The following IP6K2 variants were observed in gnomAD, a reference collection of about 807,000 sequenced individuals.
The protein encoded by IP6K2 is inositol hexakisphosphate kinase 2.
IP6K2 carries 9 observed loss-of-function variants against 43.3 expected under a neutral mutation model. That is an observed-to-expected ratio of 0.21 (90% CI 0.13 to 0.36). IP6K2 has a LOEUF of 0.36. Among genes scored for constraint, IP6K2 ranks in the 10% least tolerant of loss-of-function variants. The pLI is 1.00. For synonymous variants in IP6K2, 209 were observed against 202.4 expected, an observed-to-expected ratio of 1.03 and a Z score of -0.28; for missense variants, 332 against 538.4, an observed-to-expected ratio of 0.62 and a Z score of 3.79.
At chr3:48,713,170 C>T (rs2080759756) in intron 1 of IP6K2, among the ~76,000 whole-genome samples, 1 of 152,194 alleles carries the variant, frequency 6.6e-6, no homozygotes, top group Non-Finnish European at 1.5e-5. Flanking sequence ...AAAACAAATA[C>T]TGAAGGGGGA....
rs760824854 is a variant in IP6K2, at chr3:48,695,008, G to T, written c.202+82C>A. On this transcript the variant is annotated intron_variant, in intron 2 of 5. Transcript: ENST00000328631. This position sits in a 1 kb window ranked among gnomAD's most constrained non-coding sequence, Gnocchi z 4.6. The stretch of plus-strand genomic sequence containing the variant: ...AGTGGGAGGGAGTGAGGGCTCCAGG[G>T]ATGGCTGCCAGGGCCTTCCATGGCC... The T allele has an allele frequency of 1.2e-6, 2 of 1,612,634 alleles. No individual in the cohort carries two copies. Among genetic ancestry groups the T allele is most frequent in the Non-Finnish European group, 1.7e-6 (2 of 1,179,404 alleles).
intron 1 of IP6K2, chr3:48,715,543 G>T: frequency 2.3e-6 from 3 of 1,321,836 alleles, no homozygotes; most frequent in Non-Finnish European, 3.1e-6. Context: ...AAACACAAAA[G>T]AAATCTATTA....
rs779304740 is a variant in IP6K2 at position 48,695,446 on chromosome 3, TG to T, written c.-130-26del. On this transcript the variant is annotated intron_variant, in intron 1 of 5. Coordinates refer to ENST00000328631, the MANE Select transcript of IP6K2 (RefSeq NM_016291.4). The surrounding 1 kb of genome is among the most constrained non-coding windows in gnomAD (Gnocchi z 4.6). ...GCTGGAAGCAAACAAAATGATGACA[TG>T]GGGGTTCGAAGTAGCGTGGGAAGTG... 144 of 1,408,210 alleles carry T rather than the reference TG, an allele frequency of 1.0e-4. No individual in the cohort carries two copies. The Middle Eastern group carries it at 3.3e-3, about 33-fold the overall frequency. 87.2% of individuals were successfully genotyped at this position (1,408,210 alleles called of 1,614,324 possible).
At chr3:48,694,970 A>C in intron 2 of IP6K2, 120 bp downstream of exon 2, 1 of 1,595,220 alleles carries the variant, frequency 6.3e-7, no homozygotes, top group Non-Finnish European at 8.5e-7. Context: ...GAGGAGAGGG[A>C]GGGAAAGCAC....
intron 1 of IP6K2, 62 bp downstream of exon 1, chr3:48,717,095 T>C: frequency 6.5e-6 from 1 of 154,880 alleles, no homozygotes. Context: ...CGTTTCCCAG[T>C]AGCCTGAAAA....
At chr3:48,715,428 A>G (rs1455776025) in intron 1 of IP6K2, 1 of 1,536,230 alleles carries the variant, frequency 6.5e-7, no homozygotes, top group South Asian at 1.2e-5. Flanking sequence ...AGACTGGCAA[A>G]GGTTCATCAG....
intron 2 of IP6K2, chr3:48,694,226 G>A (rs2078055897): frequency 1.9e-6 from 3 of 1,551,518 alleles, no homozygotes; most frequent in South Asian, 2.4e-5. Flanking sequence ...CTAACAAGGG[G>A]CCTTTGGCTT....
intron 1 of IP6K2, chr3:48,715,215 G>C: frequency 1.6e-6 from 2 of 1,249,378 alleles, no homozygotes; most frequent in Non-Finnish European, 2.3e-6. Flanking sequence ...TGTTCAATTT[G>C]TTACCCAAGA....
chr3:48,691,685 G>T (rs940190049), intron 3 of IP6K2, among the ~76,000 whole-genome samples: 1 of 152,004 alleles, frequency 6.6e-6, no homozygotes, highest in Non-Finnish European at 1.5e-5. Context: ...GCGTGGTGGT[G>T]TGCTCGGGAG....
At chr3:48,702,452 T>C (rs1469874482) in intron 1 of IP6K2, among the ~76,000 whole-genome samples, 1 of 148,324 alleles carries the variant, frequency 6.7e-6, no homozygotes, top group African/African-American at 2.5e-5. Context: ...ACCCCCCCTT[T>C]TTTTTTTTGA....
intron 2 of IP6K2, chr3:48,694,845 C>A (rs1345368823): frequency 1.3e-6 from 2 of 1,537,024 alleles, no homozygotes; most frequent in South Asian, 1.2e-5. Context: ...AACACAACTA[C>A]ACTTCTACCA....
Position 48,689,508 on chromosome 3 carries a change from TGCCCTAGCCA to T in IP6K2, c.780+20_780+29del, listed in dbSNP as rs761014980. On this transcript the variant is annotated intron_variant, in intron 5 of 5. Transcript: ENST00000328631. ...GGGTGGGGAAGTGACAGCCACTGGA[TGCCCTAGCCA>T]GCCCTAGCATCCCCCTCACCTGCAT... 15 of 1,590,976 alleles carry T rather than the reference TGCCCTAGCCA, an allele frequency of 9.4e-6. No individual in the cohort carries two copies. Among genetic ancestry groups the T allele is most frequent in the African/African-American group, 2.7e-5 (2 of 74,470 alleles).
At chr3:48,705,499 A>G (rs1457239332) in intron 1 of IP6K2, among the ~76,000 whole-genome samples, 2 of 152,012 alleles carry the variant, frequency 1.3e-5, no homozygotes, top group African/African-American at 4.8e-5. Context: ...CAAGCTGCAC[A>G]GTGACAGCCA....
rs2106833287 is a variant in IP6K2, at chr3:48,695,441, T to C, written c.-130-20A>G. 2 of 1,411,500 alleles carry C rather than the reference T, an allele frequency of 1.4e-6. No homozygotes were observed. Among genetic ancestry groups the C allele is most frequent in the South Asian group, 1.6e-5 (1 of 63,344 alleles). The allele number at this position is 1,411,500 out of a possible 1,614,324, so 87.4% of individuals were successfully genotyped here. A position where few individuals can be genotyped will look rare whatever the true frequency, so the allele number is the denominator to read the frequency against. ...GCTCTGCTGGAAGCAAACAAAATGA[T>C]GACATGGGGGTTCGAAGTAGCGTGG... On this transcript the variant is annotated intron_variant, in intron 1 of 5. Coordinates refer to ENST00000328631, the MANE Select transcript of IP6K2 (RefSeq NM_016291.4). This position sits in a 1 kb window ranked among gnomAD's most constrained non-coding sequence, Gnocchi z 4.6.
At chr3:48,699,571 G>A (rs943790084) in intron 1 of IP6K2, 2 of 152,120 alleles carry the variant, frequency 1.3e-5, no homozygotes, top group South Asian at 4.1e-4. Flanking sequence ...TGCTGCTCTT[G>A]GGAAAATCAT....
In IP6K2 at chr3:48,695,120, C is replaced by A; in HGVS notation, c.172G>T (p.Glu58Ter). 6.2e-7 allele frequency: 1 copy of A among 1,612,600 alleles called. No individual in the cohort carries two copies. Among genetic ancestry groups the A allele is most frequent in the Non-Finnish European group, 8.5e-7 (1 of 1,178,668 alleles). The change falls in exon 2 of 6, where the codon GAG becomes TAG. Residue 58 changes from glutamate to a stop codon, truncating the protein, a stop_gained. Transcript: ENST00000328631. LOFTEE classifies it high-confidence loss of function. This position sits in a 1 kb window ranked among gnomAD's most constrained non-coding sequence, Gnocchi z 4.6. ...TACTGGGGAGTGAATTTGCGCATCT[C>A]AGCAGGGAGGGTCTCGTAGAACTGA... ...EHQFYETLPA[E>*]MRKFTPQYKG...
intron 1 of IP6K2, among the ~76,000 whole-genome samples, chr3:48,705,141 C>G (rs2079559937): frequency 6.6e-6 from 1 of 151,710 alleles, no homozygotes; most frequent in African/African-American, 2.4e-5. Context: ...GATGCGGTTT[C>G]ACCGTGTTAG....
At chr3:48,699,434 T>G (rs2078782111) in intron 1 of IP6K2, 1 of 151,690 alleles carries the variant, frequency 6.6e-6, no homozygotes, top group African/African-American at 2.4e-5. Flanking sequence ...AAAAAAAACG[T>G]AGCTGGAGGC....
chr3:48,716,871 C>A (rs934376008), intron 1 of IP6K2, among the ~76,000 whole-genome samples: 1 of 152,154 alleles, frequency 6.6e-6, no homozygotes, highest in Non-Finnish European at 1.5e-5. Flanking sequence ...AGATCCTGCC[C>A]TCCCCCAAAC....
Sources: allele counts gnomAD v4.1 joint callset (sites outside exome capture counted in the v4.1 genomes callset), GRCh38; gene constraint gnomAD v4.1.1; non-coding constraint Gnocchi (gnomAD v3.1); transcripts MANE v1.5; gene names NCBI Gene and HGNC (gene_info 2026-07-23, HGNC 2026-07-21).